Variants in STS observed in about 807,000 individuals in gnomAD.
STS encodes the protein steryl-sulfatase.
In STS, 7 loss-of-function variants were observed where a neutral mutation model predicts 26.8. The observed-to-expected ratio is 0.26, with a 90% CI of 0.15 to 0.49. The LOEUF is 0.49. Ranked by LOEUF, STS falls within the 20% of genes least tolerant of loss-of-function variation. The probability of loss-of-function intolerance (pLI) is 0.98; values close to 1 mark genes in which losing one functional copy is unlikely to be tolerated. For missense variants in STS, 434 were observed against 465.6 expected (o/e 0.93, Z 0.63); for synonymous variants, 199 against 189.4 (o/e 1.05, Z -0.42).
At chrX:7,156,618 G>T (rs1388491525) in intron 1 of STS, among the ~76,000 whole-genome samples, 2 of 111,768 alleles carry the variant, frequency 1.8e-5, no homozygotes, top group Non-Finnish European at 3.8e-5. Flanking sequence ...CTTCCTCCTG[G>T]TGTAAACTAG....
chrX:7,198,187 C>G (rs758979163), intron 2 of STS, among the ~76,000 whole-genome samples: 1 of 111,215 alleles, frequency 9.0e-6, no homozygotes, highest in Non-Finnish European at 1.9e-5. Context: ...AAATCACGCT[C>G]TCTGTGCATT....
chrX:7,202,956 C>T (rs754864446), intron 2 of STS, among the ~76,000 whole-genome samples: 2 of 111,056 alleles, frequency 1.8e-5, no homozygotes, highest in African/African-American at 3.3e-5. Context: ...CTCTCGCTCT[C>T]TATCCACGTC....
At chrX:7,231,833 GCT>G (rs1922073767) in intron 2 of STS, among the ~76,000 whole-genome samples, 1 of 59,757 alleles carries the variant, frequency 1.7e-5, no homozygotes, top group South Asian at 9.5e-4. Context: ...TAATAAATCT[GCT>G]TTTTTTTTTT....
At chrX:7,348,219 C>A (rs1011628688) in intron 10 of STS, among the ~76,000 whole-genome samples, 2 of 111,945 alleles carry the variant, frequency 1.8e-5, no homozygotes, top group African/African-American at 6.5e-5. Flanking sequence ...CTGACTTTTA[C>A]CATCACTAAC....
intron 7 of STS, among the ~76,000 whole-genome samples, chrX:7,297,273 T>TA (rs1925710443): frequency 1.8e-5 from 2 of 108,917 alleles, no homozygotes; most frequent in Admixed American, 2.0e-4. Context: ...TTTTTTTTTT[T>TA]AGAAATTCTC....
intron 8 of STS, among the ~76,000 whole-genome samples, chrX:7,307,884 G>T (rs770947789): frequency 8.9e-6 from 1 of 112,195 alleles, no homozygotes; most frequent in Non-Finnish European, 1.9e-5. Context: ...ACAACTATGG[G>T]ACATATGTTA....
intron 1 of STS, among the ~76,000 whole-genome samples, chrX:7,190,513 A>G (rs1459231801): frequency 9.0e-6 from 1 of 111,415 alleles, no homozygotes; most frequent in Non-Finnish European, 1.9e-5. Flanking sequence ...GGCTGGGCAC[A>G]GTGGCTCACA....
rs1021408392 is a variant in STS at position 7,229,248 on chromosome X, A to G, written c.-4-23948A>G. On this transcript the variant is annotated intron_variant, in intron 2 of 10. Transcript: ENST00000674429. The stretch of plus-strand genomic sequence containing the variant: ...CTGTGTGGCCCCTTGGTAAGCTGCC[A>G]TTTCAGTGTGGTTGTGATTTGTTTG... 1.3e-4 allele frequency among the ~76,000 whole-genome samples: 15 copies of G among 111,928 alleles called. No individual in the cohort carries two copies. In the East Asian group the frequency reaches 2.5e-3, roughly 19 times the overall value.
At chrX:7,341,121 C>T (rs940804552) in intron 10 of STS, among the ~76,000 whole-genome samples, 7 of 111,533 alleles carry the variant, frequency 6.3e-5, no homozygotes, top group South Asian at 3.8e-4. Flanking sequence ...GGTAGAAGGT[C>T]GCATTACTGG....
chrX:7,252,341 A>T, intron 2 of STS: 5 of 729,539 alleles, frequency 6.9e-6, no homozygotes, highest in Non-Finnish European at 8.1e-6. Flanking sequence ...ATCGATATTG[A>T]GTAAGTAAGA....
intron 2 of STS, among the ~76,000 whole-genome samples, chrX:7,196,736 G>A (rs1279526892): frequency 3.6e-5 from 4 of 111,716 alleles, no homozygotes; most frequent in Non-Finnish European, 7.5e-5. Flanking sequence ...GTCTCTTCAC[G>A]TGTACCTGTC....
At chrX:7,272,372 C>T (rs1034346831) in intron 6 of STS, among the ~76,000 whole-genome samples, 2 of 110,127 alleles carry the variant, frequency 1.8e-5, no homozygotes, top group East Asian at 2.9e-4. Context: ...AACCATGTCC[C>T]GTCAAAGTAA....
chrX:7,268,474 G>A (rs935356351), intron 6 of STS, among the ~76,000 whole-genome samples: 3 of 111,434 alleles, frequency 2.7e-5, no homozygotes, highest in Non-Finnish European at 5.7e-5. Context: ...GGATCTTTAG[G>A]AGGTTTCATT....
chrX:7,196,642 C>T (rs933600282), intron 2 of STS, among the ~76,000 whole-genome samples: 3 of 111,981 alleles, frequency 2.7e-5, no homozygotes, highest in Admixed American at 9.5e-5. Flanking sequence ...AAGAGATGGA[C>T]GGATTTTAGT....
intron 2 of STS, among the ~76,000 whole-genome samples, chrX:7,210,447 T>C (rs1232684482): frequency 9.3e-6 from 1 of 108,003 alleles, no homozygotes; most frequent in Non-Finnish European, 1.9e-5. Flanking sequence ...TTTATATATT[T>C]ATACAATTAT....
Position 7,349,991 on chromosome X carries a change from C to T in STS, c.1467C>T (p.Val489=). ...TGTGCTTCTGTTTCGGGAGTTATGT[C>T]ACCCATCACGACCCACCTTTACTCT... is the stretch of plus-strand genomic sequence containing the variant. ...THVCFCFGSY[V]THHDPPLLFD... is the part of the protein sequence containing the mutation. The change falls in exon 11 of 11, where the codon GTC becomes GTT. Residue 489 remains valine, a synonymous_variant. Transcript: ENST00000674429. 1 of 1,211,713 alleles carries T rather than the reference C, an allele frequency of 8.3e-7. No individual in the cohort carries two copies.
chrX:7,346,378 C>T (rs1928524091), intron 10 of STS, among the ~76,000 whole-genome samples: 1 of 105,844 alleles, frequency 9.4e-6, no homozygotes, highest in South Asian at 4.3e-4. Flanking sequence ...TGTGACAATT[C>T]GTTTTCTTAA....
chrX:7,337,135 C>T (rs1928071932), intron 10 of STS, among the ~76,000 whole-genome samples: 1 of 112,320 alleles, frequency 8.9e-6, no homozygotes, highest in South Asian at 3.7e-4. Context: ...ATTTATTTTT[C>T]AGATGCTATC....
chrX:7,352,231 C>A lies in STS; in HGVS notation c.*1970C>A, dbSNP rs1928832942. ...TACTCAAAGTCTAACATATTCAATG[C>A]AAGTAAGACTTTCTGAAAACACTTG... On this transcript the variant is annotated 3_prime_UTR_variant, in exon 11 of 11. Transcript: ENST00000674429. 1 of 112,182 alleles carries A rather than the reference C, an allele frequency of 8.9e-6. No individual in the cohort carries two copies. Among genetic ancestry groups the A allele is most frequent in the South Asian group, 3.7e-4 (1 of 2,739 alleles). The allele number at this position is 112,182 out of a possible 1,213,427, so 9.2% of individuals were successfully genotyped here. A position where few individuals can be genotyped will look rare whatever the true frequency, so the allele number is the denominator to read the frequency against.
Sources: allele counts gnomAD v4.1 joint callset (sites outside exome capture counted in the v4.1 genomes callset), GRCh38; gene constraint gnomAD v4.1.1; transcripts MANE v1.5; gene names NCBI Gene and HGNC (gene_info 2026-07-23, HGNC 2026-07-21).